CHODL: variants seen among roughly 807,000 people sequenced by gnomAD.
CHODL encodes the protein transmembrane protein MT75.
CHODL carries 29 observed loss-of-function variants against 34.5 expected under a neutral mutation model. The observed-to-expected ratio is 0.84, with a 90% CI of 0.63 to 1.15. CHODL has a LOEUF of 1.15. CHODL is among the 50% of genes most tolerant of loss of function. The probability of loss-of-function intolerance (pLI) is 0.00; values close to 1 mark genes in which losing one functional copy is unlikely to be tolerated. For synonymous variants in CHODL, 125 were observed against 116.1 expected (o/e 1.08, Z -0.49); for missense variants, 332 against 332.5 (o/e 1.00, Z 0.01).
chr21:18,144,156 A>C (rs527933719), intron 2 of CHODL, among the ~76,000 whole-genome samples: 142 of 152,286 alleles, frequency 9.3e-4, no homozygotes, highest in African/African-American at 3.4e-3. Context: ...TTTATACATA[A>C]AGCTTATTTT....
chr21:18,094,901 A>T (rs2065120185), intron 2 of CHODL, among the ~76,000 whole-genome samples: 1 of 152,142 alleles, frequency 6.6e-6, no homozygotes, highest in Non-Finnish European at 1.5e-5. Context: ...AAGCAGGCAG[A>T]TCTCCTGAGG....
intron 2 of CHODL, among the ~76,000 whole-genome samples, chr21:18,042,343 A>C (rs887451300): frequency 7.9e-5 from 12 of 151,902 alleles, no homozygotes; most frequent in South Asian, 2.1e-4. Context: ...TTTGGGGCCC[A>C]CAAATTGTAT....
intron 1 of CHODL, among the ~76,000 whole-genome samples, chr21:17,926,560 A>G (rs964975497): frequency 6.6e-6 from 1 of 152,150 alleles, no homozygotes; most frequent in African/African-American, 2.4e-5. Context: ...CCTTCTTCAC[A>G]GGGCCTCAGC....
intron 2 of CHODL, among the ~76,000 whole-genome samples, chr21:18,217,435 C>T (rs564872362): frequency 5.3e-5 from 8 of 152,208 alleles, no homozygotes; most frequent in African/African-American, 1.7e-4. Context: ...CCTTACAAAA[C>T]CATCAGATCT....
At chr21:18,070,495 T>C (rs2064790291) in intron 2 of CHODL, among the ~76,000 whole-genome samples, 1 of 152,096 alleles carries the variant, frequency 6.6e-6, no homozygotes, top group Non-Finnish European at 1.5e-5. Context: ...TGTACTAAGT[T>C]CGAGAGTAAG....
chr21:18,123,195 C>T (rs1179254825), intron 2 of CHODL, among the ~76,000 whole-genome samples: 2 of 152,186 alleles, frequency 1.3e-5, no homozygotes, highest in Non-Finnish European at 2.9e-5. Context: ...CAGGCACATA[C>T]CCTCACTGGA....
chr21:17,971,419 C>A lies in CHODL; in HGVS notation c.-145+54019C>A, dbSNP rs530161090. On this transcript the variant is annotated intron_variant, in intron 1 of 6. Coordinates refer to the CHODL transcript ENST00000400127. ...TGTTGTTTCCTGACTTTTTAATGAT[C>A]GCCATTCTAACTGGCATGAGACGTT... is the stretch of plus-strand genomic sequence containing the variant. Among the ~76,000 whole-genome samples the A allele has an allele frequency of 1.4e-4, 22 of 152,210 alleles. 1 individual carries two copies. Among genetic ancestry groups the A allele is most frequent in the Non-Finnish European group, 2.4e-4 (16 of 68,008 alleles).
At chr21:17,935,663 T>C (rs1471526983) in intron 1 of CHODL, among the ~76,000 whole-genome samples, 1 of 152,252 alleles carries the variant, frequency 6.6e-6, no homozygotes, top group African/African-American at 2.4e-5. Flanking sequence ...ATGCACAAAG[T>C]AGAAATATCT....
chr21:18,093,385 A>C (rs1448724439), intron 2 of CHODL, among the ~76,000 whole-genome samples: 4 of 152,164 alleles, frequency 2.6e-5, no homozygotes, highest in Non-Finnish European at 4.4e-5. Context: ...GTAAGAAGAA[A>C]TCATTTAAAG....
intron 1 of CHODL, chr21:18,245,926 T>C (rs1038834314): frequency 6.5e-7 from 1 of 1,535,564 alleles, no homozygotes; most frequent in African/African-American, 1.4e-5. Context: ...TCAGCTGGAG[T>C]TGGGCCGAGG....
chr21:17,923,723 A>G (rs1305082124), intron 1 of CHODL, among the ~76,000 whole-genome samples: 2 of 152,070 alleles, frequency 1.3e-5, no homozygotes, highest in Non-Finnish European at 2.9e-5. Flanking sequence ...AGCCTCCCAA[A>G]GTACTGGGAT....
intron 1 of CHODL, among the ~76,000 whole-genome samples, chr21:18,022,090 T>A (rs2064133312): frequency 6.6e-6 from 1 of 152,168 alleles, no homozygotes; most frequent in African/African-American, 2.4e-5. Flanking sequence ...ACTGTATTAT[T>A]TTCCTGGGAC....
intron 2 of CHODL, among the ~76,000 whole-genome samples, chr21:18,209,201 A>G (rs907941150): frequency 1.3e-5 from 2 of 152,192 alleles, no homozygotes; most frequent in Admixed American, 6.5e-5. Flanking sequence ...GTGGTGCTCT[A>G]TTCTACTGTG....
chr21:17,931,532 G>C (rs1236264278), intron 1 of CHODL, among the ~76,000 whole-genome samples: 1 of 152,204 alleles, frequency 6.6e-6, no homozygotes, highest in Non-Finnish European at 1.5e-5. Flanking sequence ...GTACTAGCTT[G>C]CTAGCAATGG....
At chr21:18,225,277 A>T (rs1167725885) in intron 2 of CHODL, among the ~76,000 whole-genome samples, 1 of 152,156 alleles carries the variant, frequency 6.6e-6, no homozygotes, top group East Asian at 1.9e-4. Context: ...CTTAGCTGAA[A>T]ATGTAACCAT....
rs960560046 is a variant in CHODL, at chr21:17,955,965, C to T, written c.-145+38565C>T. On this transcript the variant is annotated intron_variant, in intron 1 of 6. Coordinates refer to the CHODL transcript ENST00000400127. ...TCTGTTTGACTGAATGCCTTGATCC[C>T]GGAAGAAAAAGATTTTGAGGAGTTC... Among the ~76,000 whole-genome samples the T allele has an allele frequency of 1.5e-4, 21 of 136,808 alleles. 3 individuals are homozygous for T. The highest frequency in any genetic ancestry group is 1.1e-3 in the South Asian group (4 of 3,518). The allele number at this position is 136,808 out of a possible 152,430, so 89.8% of individuals were successfully genotyped here.
intron 2 of CHODL, among the ~76,000 whole-genome samples, chr21:18,151,082 CAAAAAAAAAAAAAAA>C (rs61176066): frequency 1.6e-5 from 2 of 123,018 alleles, no homozygotes; most frequent in Admixed American, 1.7e-4. Flanking sequence ...GACTCTGTGT[CAAAAAAAAAAAAAAA>C]AAAAAAAAGA....
intron 1 of CHODL, among the ~76,000 whole-genome samples, chr21:17,920,524 T>C (rs1055304784): frequency 1.3e-5 from 2 of 152,296 alleles, no homozygotes; most frequent in Admixed American, 6.5e-5. Context: ...GTTCCTCCCA[T>C]GACATATGAG....
At chr21:18,108,448 G>A (rs1568890261) in intron 2 of CHODL, among the ~76,000 whole-genome samples, 1 of 152,164 alleles carries the variant, frequency 6.6e-6, no homozygotes. Flanking sequence ...GTTCTATGTT[G>A]AATTAGAAGG....
Sources: gnomAD v4.1 joint callset for allele counts (sites outside exome capture counted in the v4.1 genomes callset) on GRCh38, gnomAD v4.1.1 for gene constraint, MANE v1.5 for transcripts, NCBI Gene and HGNC (gene_info 2026-07-23, HGNC 2026-07-21) for gene names.